The following MACO1 variants were observed in gnomAD, a reference collection of about 807,000 sequenced individuals.
MACO1 encodes the protein macoilin.
In MACO1, 14 loss-of-function variants were observed where a neutral mutation model predicts 78.7. That is an observed-to-expected ratio of 0.18 (90% CI 0.12 to 0.28). The LOEUF (loss-of-function observed/expected upper bound fraction) is 0.28. Ranked by LOEUF, MACO1 falls within the 10% of genes least tolerant of loss-of-function variation. The probability of loss-of-function intolerance (pLI) is 1.00; values close to 1 mark genes in which losing one functional copy is unlikely to be tolerated. For missense variants in MACO1, 501 were observed against 799.0 expected (o/e 0.63, Z 4.50); for synonymous variants, 288 against 291.6 (o/e 0.99, Z 0.12).
chr1:25,481,440 G>A (rs1374029343), intron 6 of MACO1, among the ~76,000 whole-genome samples: 2 of 152,114 alleles, frequency 1.3e-5, no homozygotes, highest in Non-Finnish European at 2.9e-5. Context: ...CAGAGAGTTG[G>A]CGCCAGAGCT....
chr1:25,461,837 C>A (rs1429790156), intron 6 of MACO1, among the ~76,000 whole-genome samples: 1 of 151,834 alleles, frequency 6.6e-6, no homozygotes, highest in African/African-American at 2.4e-5. Context: ...AGTTGTTATC[C>A]CTTGATAGTA....
intron 5 of MACO1, 33 bp from the exon 6 acceptor site, chr1:25,458,358 T>C (rs991750884): frequency 1.8e-5 from 27 of 1,538,966 alleles, no homozygotes; most frequent in Non-Finnish European, 2.3e-5. Flanking sequence ...CGGTGGGGGC[T>C]TTTTGTTTGT....
At chr1:25,484,770 T>A (rs979599757) in intron 7 of MACO1, among the ~76,000 whole-genome samples, 1 of 152,216 alleles carries the variant, frequency 6.6e-6, no homozygotes, top group Non-Finnish European at 1.5e-5. Flanking sequence ...CTTAACTCAG[T>A]GTAGGTCTGT....
chr1:25,497,380 C>CAAA lies in MACO1; in HGVS notation c.1793-871_1793-869dup, dbSNP rs66898111. Among the ~76,000 whole-genome samples, 678 of 126,566 alleles carry CAAA rather than the reference C, an allele frequency of 5.4e-3. 9 individuals are homozygous for CAAA. Among genetic ancestry groups the CAAA allele is most frequent in the African/African-American group, 0.019 (649 of 33,642 alleles). The allele number at this position is 126,566 out of a possible 152,430, so 83.0% of individuals were successfully genotyped here. On this transcript the variant is annotated intron_variant, in intron 10 of 10. Transcript: ENST00000374343. ...GGGCAACAAGAGCAAAACTCCATCT[C>CAAA]AAAAAAAAAAAAAAAGAATTTAGGA...
intron 6 of MACO1, among the ~76,000 whole-genome samples, chr1:25,467,878 C>T (rs1259417602): frequency 3.3e-5 from 5 of 152,046 alleles, no homozygotes; most frequent in Non-Finnish European, 7.4e-5. Context: ...GCTAGGGTGA[C>T]GGTGCCAGGA....
intron 6 of MACO1, among the ~76,000 whole-genome samples, chr1:25,464,463 G>A (rs2043198633): frequency 6.9e-6 from 1 of 145,938 alleles, no homozygotes; most frequent in Non-Finnish European, 1.5e-5. Flanking sequence ...TCCTGCCTCA[G>A]CCTCCTGAAT....
intron 6 of MACO1, among the ~76,000 whole-genome samples, chr1:25,480,892 G>A (rs2043365781): frequency 7.9e-6 from 1 of 126,336 alleles, no homozygotes; most frequent in Non-Finnish European, 1.6e-5. Flanking sequence ...GATCAGCCTG[G>A]GCAACAGAGT....
intron 6 of MACO1, among the ~76,000 whole-genome samples, chr1:25,476,008 G>A (rs997853018): frequency 4.6e-5 from 7 of 152,098 alleles, no homozygotes; most frequent in African/African-American, 1.7e-4. Flanking sequence ...GACTATCTAA[G>A]TGCTTCTGAT....
At chr1:25,456,629 C>T (rs534415196) in intron 4 of MACO1, 24 bp from the exon 5 acceptor site, 21 of 1,604,448 alleles carry the variant, frequency 1.3e-5, no homozygotes, top group South Asian at 6.7e-5. Context: ...CCTACAATTA[C>T]TGGCTGGATT....
At chr1:25,443,495 G>A (rs2042989125) in intron 1 of MACO1, among the ~76,000 whole-genome samples, 1 of 152,214 alleles carries the variant, frequency 6.6e-6, no homozygotes, top group African/African-American at 2.4e-5. Context: ...CTGTGACTCA[G>A]TAAGAACTGG....
intron 10 of MACO1, among the ~76,000 whole-genome samples, chr1:25,497,875 G>T (rs924740949): frequency 6.6e-6 from 1 of 152,158 alleles, no homozygotes; most frequent in Non-Finnish European, 1.5e-5. Flanking sequence ...TGTTCAAAAC[G>T]TGGTTCCTGG....
intron 3 of MACO1, among the ~76,000 whole-genome samples, chr1:25,450,413 A>C (rs1169805465): frequency 6.6e-6 from 1 of 152,086 alleles, no homozygotes; most frequent in Non-Finnish European, 1.5e-5. Flanking sequence ...TGAAAGCCAG[A>C]GCTTGGTATG....
Position 25,481,738 on chromosome 1 carries a change from A to G in MACO1, c.1155-2378A>G, listed in dbSNP as rs75537338. Among the ~76,000 whole-genome samples, 1,276 of 152,324 alleles carry G rather than the reference A, an allele frequency of 8.4e-3. 9 individuals are homozygous for G. The highest frequency in any genetic ancestry group is 0.028 in the African/African-American group (1,162 of 41,568). On this transcript the variant is annotated intron_variant, in intron 6 of 10. Coordinates refer to ENST00000374343, the MANE Select transcript of MACO1 (RefSeq NM_018202.6). ...AATTGTTTAGAGCAGTTCTGAGAGT[A>G]CATTCAACTGGAATAACTCTGGCAA... is the stretch of plus-strand genomic sequence containing the variant.
Position 25,454,310 on chromosome 1 carries a change from T to G in MACO1, c.401T>G (p.Ile134Ser). 2 of 1,611,618 alleles carry G rather than the reference T, an allele frequency of 1.2e-6. No individual in the cohort carries two copies. The highest frequency in any genetic ancestry group is 1.7e-6 in the Non-Finnish European group (2 of 1,179,112). Residue 134 changes from isoleucine (I) to serine (S), a missense_variant, in exon 4 of 11, where the codon ATT becomes AGT. By Grantham distance (142) the Ile-to-Ser change is moderately radical. Coordinates refer to ENST00000374343, the MANE Select transcript of MACO1 (RefSeq NM_018202.6). ...TVSLWILFVYIEAAIRFKDLK... is the reference protein window; with the variant it reads ...TVSLWILFVYSEAAIRFKDLK... ...TCTCTCTGGATCCTCTTTGTTTATA[T>G]TGAAGCAGCCATTAGATTTAAAGAT... is the stretch of plus-strand genomic sequence containing the variant.
intron 2 of MACO1, among the ~76,000 whole-genome samples, chr1:25,448,364 C>T (rs893114267): frequency 1.3e-5 from 2 of 151,838 alleles, no homozygotes; most frequent in Non-Finnish European, 2.9e-5. Context: ...CTCAAGAGGC[C>T]GAGGCAGAAG....
chr1:25,459,198 T>C (rs955471495), intron 6 of MACO1, among the ~76,000 whole-genome samples: 3 of 152,248 alleles, frequency 2.0e-5, no homozygotes, highest in Non-Finnish European at 4.4e-5. Context: ...TCTGTTTGCA[T>C]GTCCAGAGTT....
In MACO1 at chr1:25,453,010, T is replaced by TTC. The variant is rs1279552755; in HGVS notation, c.350-1248_350-1247insCT. Among the ~76,000 whole-genome samples, 21 of 149,266 alleles carry TTC rather than the reference T, an allele frequency of 1.4e-4. No homozygotes were observed. In the East Asian group the frequency reaches 4.0e-3, roughly 28 times the overall value. ...ACGCCTGGCCCTACAGTGAATTTTT[T>TTC]TTTTTTTTTTTTGAGATGGAGTTTC... On this transcript the variant is annotated intron_variant, in intron 3 of 10. Coordinates refer to ENST00000374343, the MANE Select transcript of MACO1 (RefSeq NM_018202.6).
chr1:25,466,824 T>C (rs1236505685), intron 6 of MACO1, among the ~76,000 whole-genome samples: 1 of 152,272 alleles, frequency 6.6e-6, no homozygotes, highest in Non-Finnish European at 1.5e-5. Flanking sequence ...CTTTCATAGA[T>C]CATGCCTTTA....
At chr1:25,442,213 A>G (rs1364317105) in intron 1 of MACO1, among the ~76,000 whole-genome samples, 1 of 152,242 alleles carries the variant, frequency 6.6e-6, no homozygotes, top group Non-Finnish European at 1.5e-5. Context: ...CAGGTAGAGT[A>G]CAAGCCAGAT....
Sources: allele counts gnomAD v4.1 joint callset (sites outside exome capture counted in the v4.1 genomes callset), GRCh38; gene constraint gnomAD v4.1.1; transcripts MANE v1.5; gene names NCBI Gene and HGNC (gene_info 2026-07-23, HGNC 2026-07-21).